PBRM1: variants seen among roughly 807,000 people sequenced by gnomAD.
PBRM1 encodes the protein protein polybromo-1.
PBRM1 carries 27 observed loss-of-function variants against 194.5 expected under a neutral mutation model. The observed-to-expected ratio is 0.14, with a 90% confidence interval of 0.10 to 0.19. The LOEUF (loss-of-function observed/expected upper bound fraction) is 0.19, where lower values mean the gene tolerates loss of function less well. Among genes scored for constraint, PBRM1 ranks in the 10% least tolerant of loss-of-function variants. PBRM1 has a pLI of 1.00. For synonymous variants in PBRM1, 655 were observed against 693.2 expected, an observed-to-expected ratio of 0.94 and a Z score of 0.87; for missense variants, 1,466 against 2,077.2, an observed-to-expected ratio of 0.71 and a Z score of 5.72.
chr3:52,594,666 A>T (rs958229905), intron 17 of PBRM1, among the ~76,000 whole-genome samples: 1 of 152,060 alleles, frequency 6.6e-6, no homozygotes, highest in Admixed American at 6.6e-5. Context: ...GTGTTGTGTC[A>T]TTGGTCTATA....
At chr3:52,683,388 C>A (rs931107176), upstream of PBRM1, among the ~76,000 whole-genome samples, 4 of 147,412 alleles carry the variant, frequency 2.7e-5, no homozygotes, top group Admixed American at 1.3e-4. Context: ...AAAAAAAAAA[C>A]AACATAAAGT....
intron 10 of PBRM1, among the ~76,000 whole-genome samples, chr3:52,638,842 T>C (rs2095936863): frequency 6.6e-6 from 1 of 152,028 alleles, no homozygotes; most frequent in Non-Finnish European, 1.5e-5. Flanking sequence ...CAAGTGATCC[T>C]CCTGCCTCTG....
intron 17 of PBRM1, among the ~76,000 whole-genome samples, chr3:52,599,601 G>A (rs1256221973): frequency 6.6e-6 from 1 of 151,144 alleles, no homozygotes; most frequent in Non-Finnish European, 1.5e-5. Context: ...CATGAGGTCA[G>A]GAGATCGAGA....
At chr3:52,666,884 G>A (rs1357063974) in intron 3 of PBRM1, among the ~76,000 whole-genome samples, 2 of 120,412 alleles carry the variant, frequency 1.7e-5, no homozygotes, top group Non-Finnish European at 3.4e-5. Context: ...AAAGGAGATC[G>A]TGTCTCAAAA....
intron 22 of PBRM1, among the ~76,000 whole-genome samples, chr3:52,568,756 A>C (rs1342020044): frequency 1.3e-5 from 2 of 152,194 alleles, no homozygotes; most frequent in Non-Finnish European, 2.9e-5. Context: ...ATATTTGCTA[A>C]ACTTTCTATT....
intron 16 of PBRM1, among the ~76,000 whole-genome samples, chr3:52,605,439 T>C (rs188071938): frequency 6.6e-6 from 1 of 152,176 alleles, no homozygotes; most frequent in African/African-American, 2.4e-5. Context: ...TACAGAGACA[T>C]TCTGGTCAGA....
At position 52,589,219 on chromosome 3, in the gene PBRM1, C is replaced by A. The variant is rs587778591; in HGVS notation, c.2816G>T (p.Gly939Val). 7 of 1,560,062 alleles carry A rather than the reference C, an allele frequency of 4.5e-6. No individual in the cohort carries two copies. The highest frequency in any genetic ancestry group is 2.1e-5 in the Admixed American group (1 of 46,576). Residue 939 changes from glycine to valine, a missense_variant, in exon 18 of 30, where the codon GGC becomes GTC. This residue lies in a region of PBRM1 where 687 missense variants were observed against 946.2 expected (regional missense o/e 0.73). Transcript: ENST00000296302. ...GTATGTGCGATGTAAGCCTGAGAGG[C>A]CTGCAGCACCAGAGGAATCTTCACT...
intron 13 of PBRM1, 81 bp from the exon 15 acceptor site, chr3:52,625,022 G>C (rs2095403005): frequency 3.2e-6 from 3 of 936,960 alleles, no homozygotes; most frequent in Non-Finnish European, 5.1e-6. Context: ...ACCATGTATG[G>C]TTGAAGAAAA....
intron 2 of PBRM1, among the ~76,000 whole-genome samples, chr3:52,670,309 A>C (rs1266136116): frequency 2.0e-5 from 3 of 152,228 alleles, no homozygotes; most frequent in African/African-American, 7.2e-5. Context: ...TTTCAAAATG[A>C]AATACTTCTA....
chr3:52,676,797 C>T (rs116447225), intron 2 of PBRM1, among the ~76,000 whole-genome samples: 3,066 of 152,262 alleles, frequency 0.02, 109 homozygotes, highest in African/African-American at 0.07. Flanking sequence ...GATAACAATA[C>T]GGACAATAAG....
At position 52,572,871 on chromosome 3, in the gene PBRM1, G is replaced by T. The variant is rs150803690; in HGVS notation, c.3691+3670C>A. Among the ~76,000 whole-genome samples, 1,142 of 152,278 alleles carry T rather than the reference G, an allele frequency of 7.5e-3. 9 individuals carry two copies. Among genetic ancestry groups the T allele is most frequent in the Non-Finnish European group, 0.011 (766 of 68,024 alleles). ...TATGATTTACATTTAATAGTGGTTAGAGTTAATACAATGAAATTATAAATT... is the reference window on the plus strand; with the variant it reads ...TATGATTTACATTTAATAGTGGTTATAGTTAATACAATGAAATTATAAATT... On this transcript the variant is annotated intron_variant, in intron 22 of 29. Coordinates refer to ENST00000296302, the Ensembl canonical transcript of PBRM1.
At chr3:52,614,571 CTT>C (rs755634978) in intron 15 of PBRM1, among the ~76,000 whole-genome samples, 11 of 137,484 alleles carry the variant, frequency 8.0e-5, no homozygotes, top group Non-Finnish European at 1.1e-4. Flanking sequence ...TTTTTCTTCC[CTT>C]TTTTTTTTTT....
At chr3:52,605,267 C>T (rs1478577191) in intron 16 of PBRM1, among the ~76,000 whole-genome samples, 3 of 151,620 alleles carry the variant, frequency 2.0e-5, no homozygotes, top group African/African-American at 4.8e-5. Flanking sequence ...AGGCTGGTCT[C>T]GAACTCCTGG....
chr3:52,599,165 G>A (rs2093798862), intron 17 of PBRM1, among the ~76,000 whole-genome samples: 1 of 152,152 alleles, frequency 6.6e-6, no homozygotes, highest in African/African-American at 2.4e-5. Flanking sequence ...ACTCTAGCCT[G>A]GGTGACAGAA....
In PBRM1 at chr3:52,675,882, G is replaced by A. The variant is rs1023614897; in HGVS notation, c.236+2618C>T. ...TGTAATCCCAGCACTTTGGGAGGCC[G>A]AGGCGGGCGGATCACGAGGTCAGGA... On this transcript the variant is annotated intron_variant, in intron 2 of 29. Transcript: ENST00000296302. 3.5e-4 allele frequency among the ~76,000 whole-genome samples: 16 copies of A among 45,960 alleles called. 2 individuals are homozygous for A. The highest frequency in any genetic ancestry group is 1.4e-3 in the African/African-American group (13 of 9,458). The allele number at this position is 45,960 out of a possible 152,430, so 30.2% of individuals were successfully genotyped here. A position where few individuals can be genotyped will look rare whatever the true frequency, so the allele number is the denominator to read the frequency against.
At chr3:52,559,471 T>C (rs1168196253) in intron 25 of PBRM1, among the ~76,000 whole-genome samples, 1 of 152,048 alleles carries the variant, frequency 6.6e-6, no homozygotes, top group African/African-American at 2.4e-5. Flanking sequence ...CCCCCACTCA[T>C]CACATAGGCA....
intron 13 of PBRM1, among the ~76,000 whole-genome samples, chr3:52,622,766 T>C (rs1320353373): frequency 6.6e-6 from 1 of 152,214 alleles, no homozygotes; most frequent in Non-Finnish European, 1.5e-5. Context: ...CATGCCACAA[T>C]GTAAGTCCTT....
intron 17 of PBRM1, among the ~76,000 whole-genome samples, chr3:52,591,025 G>T (rs1272607766): frequency 6.6e-6 from 1 of 152,146 alleles, no homozygotes; most frequent in Non-Finnish European, 1.5e-5. Flanking sequence ...TGTGGCAATT[G>T]TGAATGACAA....
At chr3:52,574,717 A>G (rs957812771) in intron 22 of PBRM1, among the ~76,000 whole-genome samples, 2 of 152,206 alleles carry the variant, frequency 1.3e-5, no homozygotes, top group Non-Finnish European at 2.9e-5. Context: ...AAGGCAAAGC[A>G]GAGTTGTAAT....
Sources: allele counts gnomAD v4.1 joint callset (sites outside exome capture counted in the v4.1 genomes callset), GRCh38; gene constraint gnomAD v4.1.1; regional missense constraint gnomAD v4.1.1; transcripts MANE v1.5; gene names NCBI Gene and HGNC (gene_info 2026-07-23, HGNC 2026-07-21).